REV1: variants seen among roughly 807,000 people sequenced by gnomAD.
REV1 encodes translesion synthesis protein REV1.
REV1 carries 42 observed loss-of-function variants against 137.4 expected under a neutral mutation model. The observed-to-expected ratio is 0.31, with a 90% CI of 0.24 to 0.40. The LOEUF (loss-of-function observed/expected upper bound fraction) is 0.40, where lower values mean the gene tolerates loss of function less well. Among genes scored for constraint, REV1 ranks in the 10% least tolerant of loss-of-function variants. The pLI, the probability that REV1 is intolerant of heterozygous loss-of-function variation, is 1.00. For missense variants in REV1, 1,282 were observed against 1,490.1 expected (o/e 0.86, Z 2.30); for synonymous variants, 524 against 519.2 (o/e 1.01, Z -0.12).
intron 3 of REV1, among the ~76,000 whole-genome samples, chr2:99,449,915 CAGAGTATACA>C (rs1682726165): frequency 6.6e-6 from 1 of 152,080 alleles, no homozygotes; most frequent in Non-Finnish European, 1.5e-5. Flanking sequence ...TCCACTCCTC[CAGAGTATACA>C]AGAGGAGTCA....
chr2:99,431,896 G>A (rs1020782363), intron 8 of REV1: 1 of 985,374 alleles, frequency 1.0e-6, no homozygotes, highest in African/African-American at 1.7e-5. Context: ...GGCACATGGA[G>A]AATGTGGAGG....
intron 4 of REV1, among the ~76,000 whole-genome samples, chr2:99,442,721 C>A (rs777539590): frequency 7.9e-5 from 12 of 152,104 alleles, no homozygotes; most frequent in Non-Finnish European, 1.6e-4. Flanking sequence ...ACCCTGTCAA[C>A]AGTTAACAGA....
Position 99,443,198 on chromosome 2 carries a change from A to T in REV1, c.351-729T>A, listed in dbSNP as rs971796331. 6.6e-5 allele frequency among the ~76,000 whole-genome samples: 10 copies of T among 152,384 alleles called. No individual in the cohort carries two copies. In the South Asian group the frequency reaches 1.7e-3, roughly 25 times the overall value. The stretch of plus-strand genomic sequence containing the variant: ...ATTATCATTTCACTTCAAATTTAAA[A>T]ATAACCAATCAATATACTTATGCTA... On this transcript the variant is annotated intron_variant, in intron 4 of 22. Transcript: ENST00000258428.
chr2:99,428,621 T>C (rs751461946), intron 9 of REV1, among the ~76,000 whole-genome samples: 4 of 152,152 alleles, frequency 2.6e-5, no homozygotes, highest in Non-Finnish European at 5.9e-5. Flanking sequence ...AAAAAACTAT[T>C]ATGATTAGAC....
At chr2:99,430,477 C>G (rs28382903) in intron 8 of REV1, among the ~76,000 whole-genome samples, 1,992 of 152,282 alleles carry the variant, frequency 0.013, 42 homozygotes, top group African/African-American at 0.045. Context: ...TAGTAGGTCA[C>G]AAAACATGAA....
At chr2:99,419,520 A>G (rs913209621) in intron 11 of REV1, among the ~76,000 whole-genome samples, 3 of 152,142 alleles carry the variant, frequency 2.0e-5, no homozygotes, top group East Asian at 3.8e-4. Context: ...AGCAGTCCTG[A>G]TCTTCAGAGT....
At chr2:99,471,044 A>G (rs2080953356) in intron 1 of REV1, among the ~76,000 whole-genome samples, 1 of 152,244 alleles carries the variant, frequency 6.6e-6, no homozygotes, top group Admixed American at 6.5e-5. Context: ...GCAATGAATG[A>G]ATGTGCACAT....
At chr2:99,424,359 C>T (rs1679066725) in intron 9 of REV1, 79 bp from the exon 10 acceptor site, 1 of 1,356,496 alleles carries the variant, frequency 7.4e-7, no homozygotes, top group African/African-American at 1.5e-5. Context: ...GTTGATATCT[C>T]CCCATGCCAC....
At chr2:99,430,938 C>A (rs1213177960) in intron 8 of REV1, among the ~76,000 whole-genome samples, 1 of 152,078 alleles carries the variant, frequency 6.6e-6, no homozygotes. Context: ...GTAAAACAAA[C>A]CCAAAATATA....
intron 5 of REV1, among the ~76,000 whole-genome samples, chr2:99,439,979 G>A (rs1681269865): frequency 6.6e-6 from 1 of 152,130 alleles, no homozygotes; most frequent in Admixed American, 6.5e-5. Context: ...AAAAAGTAAA[G>A]CCATGTCAAT....
chr2:99,451,434 G>A (rs1295594176), intron 3 of REV1: 4 of 1,303,616 alleles, frequency 3.1e-6, no homozygotes, highest in South Asian at 2.5e-5. Context: ...AGTTAAGAGG[G>A]CTCTTTGAAG....
chr2:99,489,160 A>G (rs1687410565), intron 1 of REV1, among the ~76,000 whole-genome samples: 1 of 152,150 alleles, frequency 6.6e-6, no homozygotes, highest in Non-Finnish European at 1.5e-5. Flanking sequence ...TCTCGGAAGG[A>G]CAGTTGGGGA....
chr2:99,419,015 T>C, intron 11 of REV1, 68 bp from the exon 12 acceptor site: 1 of 1,219,264 alleles, frequency 8.2e-7, no homozygotes, highest in South Asian at 1.3e-5. Context: ...CAAAGATCTC[T>C]TCATACAGGT....
At chr2:99,478,891 T>C (rs953722379) in intron 1 of REV1, among the ~76,000 whole-genome samples, 3 of 152,084 alleles carry the variant, frequency 2.0e-5, no homozygotes, top group Admixed American at 6.6e-5. Context: ...AATGTATCTA[T>C]AGTGGTGATA....
intron 1 of REV1, 33 bp downstream of exon 1, chr2:99,489,773 TCCCGCCCCTCC>T (rs1415371073): frequency 2.0e-5 from 3 of 149,238 alleles, no homozygotes; most frequent in Non-Finnish European, 4.5e-5. Flanking sequence ...GCGTGTCCGA[TCCCGCCCCTCC>T]CCCACCCCGC....
intron 8 of REV1, among the ~76,000 whole-genome samples, chr2:99,430,949 T>A (rs1337798110): frequency 6.6e-6 from 1 of 152,146 alleles, no homozygotes; most frequent in Non-Finnish European, 1.5e-5. Flanking sequence ...CCAAAATATA[T>A]CACTTCAGCT....
At chr2:99,401,382 AG>A (rs750182576) in intron 22 of REV1, 30 bp from the exon 23 acceptor site, 1 of 1,447,466 alleles carries the variant, frequency 6.9e-7, no homozygotes, top group Admixed American at 1.7e-5. Flanking sequence ...AAATGTCATT[AG>A]GAATTAGGAA....
chr2:99,454,376 C>G (rs146178709), intron 3 of REV1, among the ~76,000 whole-genome samples: 1 of 151,596 alleles, frequency 6.6e-6, no homozygotes, highest in Non-Finnish European at 1.5e-5. Flanking sequence ...CATGGAGAAA[C>G]CCCGTCACTA....
intron 6 of REV1, among the ~76,000 whole-genome samples, chr2:99,436,999 T>C (rs564938975): frequency 1.3e-5 from 2 of 151,220 alleles, no homozygotes; most frequent in African/African-American, 4.9e-5. Flanking sequence ...TGTTTTTTTT[T>C]TTTTTTTGAG....
Sources: gnomAD v4.1 joint callset for allele counts (sites outside exome capture counted in the v4.1 genomes callset) on GRCh38, gnomAD v4.1.1 for gene constraint, MANE v1.5 for transcripts, NCBI Gene and HGNC (gene_info 2026-07-23, HGNC 2026-07-21) for gene names.